Variants in SCRN3 observed in about 807,000 individuals in gnomAD.
The protein encoded by SCRN3 is secernin-3.
Under a neutral mutation model 43.1 loss-of-function variants are expected in SCRN3, and 39 were observed. The observed-to-expected ratio is 0.91, with a 90% CI of 0.70 to 1.18. The LOEUF (loss-of-function observed/expected upper bound fraction) is 1.18, where lower values mean the gene tolerates loss of function less well. Ranked by LOEUF, SCRN3 falls within the 50% of genes most tolerant of loss-of-function variation. The pLI, the probability that SCRN3 is intolerant of heterozygous loss-of-function variation, is 0.00. For synonymous variants in SCRN3, 147 were observed against 163.1 expected, an observed-to-expected ratio of 0.90 and a Z score of 0.75; for missense variants, 484 against 498.0, an observed-to-expected ratio of 0.97 and a Z score of 0.27.
At chr2:174,421,272 T>C (rs780588254) in intron 5 of SCRN3, among the ~76,000 whole-genome samples, 1 of 152,088 alleles carries the variant, frequency 6.6e-6, no homozygotes, top group Non-Finnish European at 1.5e-5. Context: ...TACTAGCTAA[T>C]TGGCACTAAA....
chr2:174,399,689 T>G (rs1480521891), intron 2 of SCRN3, among the ~76,000 whole-genome samples: 1 of 152,216 alleles, frequency 6.6e-6, no homozygotes, highest in African/African-American at 2.4e-5. Context: ...CTTGGCAGAA[T>G]GTTTTATAAT....
chr2:174,414,336 ATACT>A (rs1181778952), intron 5 of SCRN3, among the ~76,000 whole-genome samples: 1 of 152,212 alleles, frequency 6.6e-6, no homozygotes, highest in Non-Finnish European at 1.5e-5. Context: ...CTGTCCTGAG[ATACT>A]TAGTTTTTTT....
intron 1 of SCRN3, 51 bp downstream of exon 1, chr2:174,395,868 G>A: frequency 6.9e-7 from 1 of 1,453,864 alleles, no homozygotes; most frequent in South Asian, 1.5e-5. Flanking sequence ...CAGAAACCCG[G>A]AAGACCCAAC....
chr2:174,398,263 T>A lies in SCRN3; in HGVS notation c.-9-12T>A. ...TGTTCTTTTTATTTTAAAACATCTG[T>A]ATAATTTTTAGTTAAAAAAAATGGA... On this transcript the variant is annotated splice_polypyrimidine_tract_variant and intron_variant, in intron 1 of 7. Coordinates refer to ENST00000272732, the MANE Select transcript of SCRN3 (RefSeq NM_024583.5). The A allele has an allele frequency of 2.0e-6, 3 of 1,518,140 alleles. No homozygotes were observed. The highest frequency in any genetic ancestry group is 2.7e-6 in the Non-Finnish European group (3 of 1,126,354). 94.0% of individuals were successfully genotyped at this position (1,518,140 alleles called of 1,614,324 possible). A position where few individuals can be genotyped will look rare whatever the true frequency, so the allele number is the denominator to read the frequency against.
At chr2:174,400,766 T>C (rs182357141) in intron 3 of SCRN3, among the ~76,000 whole-genome samples, 2 of 152,308 alleles carry the variant, frequency 1.3e-5, no homozygotes, top group East Asian at 3.9e-4. Flanking sequence ...AACTTGACAG[T>C]GAATTACCAA....
chr2:174,420,154 C>A (rs1686249257), intron 5 of SCRN3, among the ~76,000 whole-genome samples: 1 of 120,554 alleles, frequency 8.3e-6, no homozygotes, highest in African/African-American at 3.4e-5. Context: ...CTGCTAGGAG[C>A]CTTAAAAGCT....
chr2:174,409,778 A>AG (rs1427889625), intron 5 of SCRN3, among the ~76,000 whole-genome samples: 5 of 143,620 alleles, frequency 3.5e-5, no homozygotes, highest in African/African-American at 2.5e-5. Context: ...CTCGGGGGTC[A>AG]GGGGTCAGGG....
chr2:174,426,837 T>C (rs1686500561), intron 7 of SCRN3, among the ~76,000 whole-genome samples: 1 of 151,922 alleles, frequency 6.6e-6, no homozygotes, highest in Non-Finnish European at 1.5e-5. Context: ...ACTTTTTATT[T>C]ATTTATTTAT....
At chr2:174,426,588 A>C (rs1487789490) in intron 7 of SCRN3, among the ~76,000 whole-genome samples, 1 of 152,042 alleles carries the variant, frequency 6.6e-6, no homozygotes, top group Non-Finnish European at 1.5e-5. Context: ...CCTGACCAAC[A>C]TGATGAAACC....
intron 6 of SCRN3, among the ~76,000 whole-genome samples, chr2:174,423,580 A>C (rs1192552175): frequency 6.6e-6 from 1 of 151,852 alleles, no homozygotes; most frequent in Non-Finnish European, 1.5e-5. Context: ...AGAGATTCTC[A>C]TGCCTCAGCC....
At chr2:174,404,544 G>A (rs1346384318) in intron 5 of SCRN3, among the ~76,000 whole-genome samples, 1 of 144,612 alleles carries the variant, frequency 6.9e-6, no homozygotes, top group East Asian at 2.0e-4. Context: ...CCATGCTGGT[G>A]CACTGCACCC....
Position 174,401,066 on chromosome 2 carries a change from G to C in SCRN3, c.418G>C (p.Gly140Arg). The change falls in exon 4 of 8, where the codon GGT becomes CGT. Residue 140 changes from glycine (G) to arginine (R), a missense_variant. Physicochemically the swap from Gly to Arg is moderately radical, Grantham distance 125. Transcript: ENST00000272732. ...IVDLLEKYGQGGNCTEGRMVF... is the reference protein window; with the variant it reads ...IVDLLEKYGQRGNCTEGRMVF... ...TGACTTACTAGAAAAATATGGCCAG[G>C]GTGGAAATTGCACAGAGGGTAGAAT... The C allele has an allele frequency of 6.2e-7, 1 of 1,613,782 alleles. No individual in the cohort carries two copies. The highest frequency in any genetic ancestry group is 1.1e-5 in the South Asian group (1 of 91,076).
In SCRN3 at chr2:174,428,103, T is replaced by C. The variant is rs1020558940; in HGVS notation, c.*208T>C. 2.0e-5 allele frequency: 7 copies of C among 353,936 alleles called. No individual in the cohort carries two copies. Among genetic ancestry groups the C allele is most frequent in the Admixed American group, 9.2e-5 (2 of 21,688 alleles). 21.9% of individuals were successfully genotyped at this position (353,936 alleles called of 1,614,324 possible). On this transcript the variant is annotated 3_prime_UTR_variant, in exon 8 of 8. Coordinates refer to ENST00000272732, the MANE Select transcript of SCRN3 (RefSeq NM_024583.5). ...ACAGCATTGGAATTGGATTCATGTA[T>C]CGTGGGATACAGGTGTTATTTCAGG...
Position 174,400,017 on chromosome 2 carries a change from G to A in SCRN3, c.255G>A (p.Glu85=), listed in dbSNP as rs145692944. ...WLWGAEMGAN[E]HGVCIGNEAV... ...GGGGGGCAGAAATGGGAGCCAATGA[G>A]CATGGAGTTTGCATTGGGAATGAAG... The change falls in exon 3 of 8, where the codon GAG becomes GAA. Residue 85 remains glutamate (E), a synonymous_variant. Coordinates refer to ENST00000272732, the MANE Select transcript of SCRN3 (RefSeq NM_024583.5). The A allele has an allele frequency of 1.8e-4, 292 of 1,600,702 alleles. 1 individual carries two copies. The African/African-American group carries it at 3.3e-3, about 18-fold the overall frequency.
chr2:174,413,806 G>A (rs1686012196), intron 5 of SCRN3, among the ~76,000 whole-genome samples: 1 of 151,634 alleles, frequency 6.6e-6, no homozygotes, highest in Admixed American at 6.6e-5. Context: ...GGTCAGGCTG[G>A]TCTCGAACTC....
In SCRN3 at chr2:174,402,146, CTT is replaced by C. The variant is rs564633497; in HGVS notation, c.541+961_541+962del. Reference sequence around the variant, plus strand: ...ATTAATATATAACATTGTAGTTAGACTTTTTCTTTTTGTGATAATTGGCTTGA... The same window carrying C: ...ATTAATATATAACATTGTAGTTAGACTTTCTTTTTGTGATAATTGGCTTGA... On this transcript the variant is annotated intron_variant, in intron 4 of 7. Transcript: ENST00000272732. Among the ~76,000 whole-genome samples, 396 of 152,208 alleles carry C rather than the reference CTT, an allele frequency of 2.6e-3. 4 individuals carry two copies. Among genetic ancestry groups the C allele is most frequent in the African/African-American group, 9.2e-3 (383 of 41,546 alleles).
Position 174,398,383 on chromosome 2 carries a change from G to A in SCRN3, c.100G>A (p.Val34Ile). 6.2e-7 allele frequency: 1 copy of A among 1,607,818 alleles called. No homozygotes were observed. Among genetic ancestry groups the A allele is most frequent in the South Asian group, 1.1e-5 (1 of 89,312 alleles). The stretch of plus-strand genomic sequence containing the variant: ...AAATTCAGATAGACTCTATGATGAA[G>A]TACAAGAGGTGGTTTATTTTCCTGC... ...GKNSDRLYDE[V>I]QEVVYFPAVV... The change falls in exon 2 of 8, where the codon GTA becomes ATA. Residue 34 changes from valine (V) to isoleucine (I), a missense_variant. Transcript: ENST00000272732.
intron 3 of SCRN3, 21 bp downstream of exon 3, chr2:174,400,124 ATAC>A (rs1685456780): frequency 1.3e-6 from 2 of 1,491,920 alleles, no homozygotes; most frequent in East Asian, 5.1e-5. Flanking sequence ...GTTACATTTT[ATAC>A]TACAGACCTT....
chr2:174,402,705 G>T (rs1227143389), intron 4 of SCRN3, among the ~76,000 whole-genome samples: 1 of 152,044 alleles, frequency 6.6e-6, no homozygotes, highest in East Asian at 1.9e-4. Context: ...AGAAAAGAGG[G>T]AAGGAGAAGG....
Sources: allele counts gnomAD v4.1 joint callset (sites outside exome capture counted in the v4.1 genomes callset), GRCh38; gene constraint gnomAD v4.1.1; transcripts MANE v1.5; gene names NCBI Gene and HGNC (gene_info 2026-07-23, HGNC 2026-07-21).